Variants in CTDSPL observed in about 807,000 individuals in gnomAD.
CTDSPL encodes the protein CTD small phosphatase like, also known as CTD small phosphatase-like protein.
A neutral mutation model predicts 30.5 loss-of-function variants in CTDSPL; 8 were observed. The observed-to-expected ratio is 0.26, with a 90% CI of 0.15 to 0.47. CTDSPL has a LOEUF of 0.47. Among genes scored for constraint, CTDSPL ranks in the 20% least tolerant of loss-of-function variants. The pLI is 0.99. For missense variants in CTDSPL, 248 were observed against 366.1 expected, an observed-to-expected ratio of 0.68 and a Z score of 2.63; for synonymous variants, 110 against 137.9, an observed-to-expected ratio of 0.80 and a Z score of 1.42.
intron 1 of CTDSPL, among the ~76,000 whole-genome samples, chr3:37,922,824 C>T (rs1329132670): frequency 6.6e-6 from 1 of 152,008 alleles, no homozygotes; most frequent in Non-Finnish European, 1.5e-5. Flanking sequence ...TGGTCTGAAG[C>T]ACTAAGTGTG....
At chr3:37,903,727 G>C (rs374042439) in intron 1 of CTDSPL, among the ~76,000 whole-genome samples, 2 of 152,174 alleles carry the variant, frequency 1.3e-5, no homozygotes, top group African/African-American at 4.8e-5. Context: ...CATAGTAACA[G>C]GCACAAGCTC....
intron 3 of CTDSPL, among the ~76,000 whole-genome samples, chr3:37,957,762 C>G (rs1699190179): frequency 6.6e-6 from 1 of 152,196 alleles, no homozygotes. Context: ...AAATTTGTTC[C>G]ACCCCAGCAC....
At chr3:37,949,426 T>A (rs532374237) in intron 2 of CTDSPL, among the ~76,000 whole-genome samples, 1 of 152,304 alleles carries the variant, frequency 6.6e-6, no homozygotes, top group South Asian at 2.1e-4. Flanking sequence ...CAACAGGCAG[T>A]TGGTTAAAAA....
chr3:37,868,499 C>G (rs1029995230), intron 1 of CTDSPL, among the ~76,000 whole-genome samples: 1 of 151,896 alleles, frequency 6.6e-6, no homozygotes, highest in Non-Finnish European at 1.5e-5. Flanking sequence ...CACTAGATCC[C>G]GAAGGTTTTC....
rs1286235189 is a variant in CTDSPL, at chr3:37,937,525, G to A, written c.80-9532G>A. 2.7e-5 allele frequency among the ~76,000 whole-genome samples: 4 copies of A among 150,440 alleles called. 1 individual carries two copies. The highest frequency in any genetic ancestry group is 4.5e-5 in the Non-Finnish European group (3 of 67,112). ...TAAGTTGAAGCAGCGCGAGACCCTC[G>A]CCAGCTGGGCTACCCAGTCTTGGAC... On this transcript the variant is annotated intron_variant, in intron 1 of 7. Transcript: ENST00000273179.
intron 2 of CTDSPL, among the ~76,000 whole-genome samples, chr3:37,952,038 A>G (rs1323441797): frequency 1.3e-5 from 2 of 152,080 alleles, no homozygotes; most frequent in Non-Finnish European, 2.9e-5. Flanking sequence ...ACTGCTGGGC[A>G]CGGTGGCTAA....
At chr3:37,906,660 G>A (rs1212400849) in intron 1 of CTDSPL, among the ~76,000 whole-genome samples, 2 of 152,116 alleles carry the variant, frequency 1.3e-5, no homozygotes, top group Non-Finnish European at 2.9e-5. Flanking sequence ...TAGGACAAGA[G>A]CCACTGATGC....
intron 1 of CTDSPL, among the ~76,000 whole-genome samples, chr3:37,891,189 C>T (rs974219700): frequency 5.3e-5 from 8 of 152,190 alleles, no homozygotes; most frequent in South Asian, 4.1e-4. Context: ...CATCCCTACC[C>T]GTTACCCAGG....
At chr3:37,895,033 A>G (rs1430719822) in intron 1 of CTDSPL, among the ~76,000 whole-genome samples, 1 of 152,006 alleles carries the variant, frequency 6.6e-6, no homozygotes, top group African/African-American at 2.4e-5. Flanking sequence ...GTTATCTTGG[A>G]TTCTCTATTG....
intron 1 of CTDSPL, among the ~76,000 whole-genome samples, chr3:37,866,223 A>G (rs1225697979): frequency 6.6e-6 from 1 of 152,252 alleles, no homozygotes; most frequent in Non-Finnish European, 1.5e-5. Flanking sequence ...GAATGAGCTA[A>G]ATTAAATCTA....
At chr3:37,892,045 G>T (rs73056975) in intron 1 of CTDSPL, among the ~76,000 whole-genome samples, 8,252 of 152,012 alleles carry the variant, frequency 0.054, 287 homozygotes, top group African/African-American at 0.099. Flanking sequence ...CCTACAGATC[G>T]GCCACATTTT....
chr3:37,947,683 G>C (rs186268229), intron 2 of CTDSPL, among the ~76,000 whole-genome samples: 314 of 152,276 alleles, frequency 2.1e-3, no homozygotes, highest in African/African-American at 7.1e-3. Context: ...AGCAACTAAG[G>C]ATTATATTTG....
intron 6 of CTDSPL, among the ~76,000 whole-genome samples, chr3:37,974,839 C>G (rs1189769881): frequency 3.9e-5 from 6 of 152,168 alleles, no homozygotes; most frequent in Admixed American, 1.3e-4. Context: ...GGGGCAGTGT[C>G]ATGCCATTCA....
chr3:37,960,529 TATATATACACACACACACACACACACAC>T (rs1699231186), intron 3 of CTDSPL, among the ~76,000 whole-genome samples: 1 of 59,750 alleles, frequency 1.7e-5, no homozygotes, highest in African/African-American at 7.7e-5. Flanking sequence ...TATATATATA[TATATATACACACACACACACACACACAC>T]ACACACACAC....
intron 1 of CTDSPL, among the ~76,000 whole-genome samples, chr3:37,932,188 C>A (rs1698862953): frequency 6.6e-6 from 1 of 152,092 alleles, no homozygotes; most frequent in South Asian, 2.1e-4. Flanking sequence ...AGGAAAAGGG[C>A]AGATTCATAC....
intron 7 of CTDSPL, among the ~76,000 whole-genome samples, chr3:37,976,630 CAAAA>C (rs1195626616): frequency 1.1e-5 from 1 of 89,118 alleles, no homozygotes; most frequent in Non-Finnish European, 2.3e-5. Context: ...GACTCCGTCT[CAAAA>C]AAAAAAAAAA....
rs1699505338 is a variant in CTDSPL at position 37,982,613 on chromosome 3, G to C, written c.*1746G>C. 2.2e-6 allele frequency: 1 copy of C among 456,600 alleles called. No homozygotes were observed. The highest frequency in any genetic ancestry group is 4.4e-6 in the Non-Finnish European group (1 of 226,990). 28.3% of individuals were successfully genotyped at this position (456,600 alleles called of 1,614,324 possible). ...CATCCTCCCAACAGCACTTTGGTCT[G>C]TGGACTGCTGTGTGAATATTCAGAA... is the stretch of plus-strand genomic sequence containing the variant. On this transcript the variant is annotated 3_prime_UTR_variant, in exon 8 of 8. Transcript: ENST00000273179.
intron 1 of CTDSPL, among the ~76,000 whole-genome samples, chr3:37,918,011 A>G (rs1225010290): frequency 6.6e-6 from 1 of 152,188 alleles, no homozygotes; most frequent in Non-Finnish European, 1.5e-5. Flanking sequence ...TAGGGGATAA[A>G]GGAAGATCTG....
intron 1 of CTDSPL, among the ~76,000 whole-genome samples, chr3:37,875,331 C>A (rs537727489): frequency 6.6e-6 from 1 of 152,306 alleles, no homozygotes; most frequent in East Asian, 1.9e-4. Flanking sequence ...TAGTTAAAAA[C>A]TGAAAAGCTT....
Sources: allele counts gnomAD v4.1 joint callset (sites outside exome capture counted in the v4.1 genomes callset), GRCh38; gene constraint gnomAD v4.1.1; transcripts MANE v1.5; gene names NCBI Gene and HGNC (gene_info 2026-07-23, HGNC 2026-07-21).